WFS1: variants seen among roughly 807,000 people sequenced by gnomAD.
WFS1 encodes the protein wolframin.
WFS1 carries 90 observed loss-of-function variants against 68.5 expected under a neutral mutation model. That is an observed-to-expected ratio of 1.31 (90% CI 1.11 to 1.56). The LOEUF (loss-of-function observed/expected upper bound fraction) is 1.56. WFS1 is among the 40% of genes most tolerant of loss of function. The probability of loss-of-function intolerance (pLI) is 0.00; values close to 1 mark genes in which losing one functional copy is unlikely to be tolerated. For synonymous variants in WFS1, 860 were observed against 540.7 expected (o/e 1.59, Z -8.19); for missense variants, 1,767 against 1,232.6 (o/e 1.43, Z -6.49).
rs371412121 is a variant in WFS1, at chr4:6,299,976, T to G, written c.862-681T>G. 1.6e-3 allele frequency among the ~76,000 whole-genome samples: 239 copies of G among 150,178 alleles called. 9 individuals carry two copies. In the South Asian group the frequency reaches 0.047, roughly 29 times the overall value. On this transcript the variant is annotated intron_variant, in intron 7 of 7. Transcript: ENST00000226760. The stretch of plus-strand genomic sequence containing the variant: ...TGGGTTGCGTGTGTGTGTGTGCACG[T>G]GTGTGTACGGGCAGAAGGTGGCCTG...
At chr4:6,280,801 T>C (rs1730139664) in intron 2 of WFS1, among the ~76,000 whole-genome samples, 1 of 152,076 alleles carries the variant, frequency 6.6e-6, no homozygotes, top group Non-Finnish European at 1.5e-5. Context: ...TCCTGCTGTC[T>C]CTGTCATTCA....
intron 1 of WFS1, among the ~76,000 whole-genome samples, chr4:6,272,774 A>G (rs1729876078): frequency 6.6e-6 from 1 of 152,160 alleles, no homozygotes; most frequent in South Asian, 2.1e-4. Flanking sequence ...TGGCAGATAA[A>G]TTTTGTTTTC....
chr4:6,301,488 C>G lies in WFS1; in HGVS notation c.1693C>G (p.Leu565Val), dbSNP rs200058166. The G allele has an allele frequency of 4.6e-5, 75 of 1,613,128 alleles. No homozygotes were observed. In the Admixed American group the frequency reaches 1.0e-3, roughly 23 times the overall value. ...GLLRASIGYF[L>V]FLFALPILVA... Reference sequence around the variant, plus strand: ...GCTCCGCGCCTCCATCGGCTACTTCCTCTTCCTCTTTGCCCTCCCCATCCT... The same window carrying G: ...GCTCCGCGCCTCCATCGGCTACTTCGTCTTCCTCTTTGCCCTCCCCATCCT... Residue 565 changes from leucine (L) to valine (V), a missense_variant, in exon 8 of 8, where the codon CTC (leucine) becomes GTC (valine). Coordinates refer to ENST00000226760, the MANE Select transcript of WFS1 (RefSeq NM_006005.3).
intron 7 of WFS1, among the ~76,000 whole-genome samples, chr4:6,297,537 C>A (rs1730669112): frequency 6.6e-6 from 1 of 152,168 alleles, no homozygotes; most frequent in African/African-American, 2.4e-5. Flanking sequence ...ATTGGAAGAT[C>A]CGACACGGGA....
At chr4:6,296,817 A>C (rs1399145785) in intron 7 of WFS1, among the ~76,000 whole-genome samples, 1 of 152,216 alleles carries the variant, frequency 6.6e-6, no homozygotes, top group Non-Finnish European at 1.5e-5. Context: ...GTAGCATCTG[A>C]AAATCCTATT....
chr4:6,274,056 C>CT (rs1445718283), intron 1 of WFS1, among the ~76,000 whole-genome samples: 3 of 31,754 alleles, frequency 9.4e-5, no homozygotes, highest in African/African-American at 1.7e-4. Context: ...TTTCTTTTTT[C>CT]TTTTTTTTGA....
intron 7 of WFS1, among the ~76,000 whole-genome samples, chr4:6,299,513 G>A (rs1325652287): frequency 1.1e-4 from 16 of 146,544 alleles, no homozygotes; most frequent in African/African-American, 1.8e-4. Context: ...GGTGGGTTGC[G>A]TGTGTGTGAA....
chr4:6,302,505 C>T lies in WFS1; in HGVS notation c.*37C>T. 3 of 1,610,228 alleles carry T rather than the reference C, an allele frequency of 1.9e-6. No individual in the cohort carries two copies. Among genetic ancestry groups the T allele is most frequent in the South Asian group, 1.1e-5 (1 of 91,022 alleles). On this transcript the variant is annotated 3_prime_UTR_variant, in exon 8 of 8. Coordinates refer to ENST00000226760, the MANE Select transcript of WFS1 (RefSeq NM_006005.3). ...CACGAGGAGCTTCCAGTGCATGTTG[C>T]CATGAGGCCTTTCCCCAGTGTGGCC...
chr4:6,277,329 C>T, intron 1 of WFS1, 122 bp from the exon 2 acceptor site: 1 of 935,928 alleles, frequency 1.1e-6, no homozygotes, highest in South Asian at 1.5e-5. Flanking sequence ...TCAGCGAGAT[C>T]CTGTATGGAG....
rs954434481 is a variant in WFS1, at chr4:6,302,622, C to T, written c.*154C>T. 1 of 1,072,618 alleles carries T rather than the reference C, an allele frequency of 9.3e-7. No individual in the cohort carries two copies. 66.4% of individuals were successfully genotyped at this position (1,072,618 alleles called of 1,614,324 possible). ...TGCGACCATGTGTAGATTGCGTGGA[C>T]CCCGACAAAGGGAAGGCTGCTGTGT... On this transcript the variant is annotated 3_prime_UTR_variant, in exon 8 of 8. Transcript: ENST00000226760.
At position 6,301,689 on chromosome 4, in the gene WFS1, A is replaced by G. The variant is rs1450476108; in HGVS notation, c.1894A>G (p.Met632Val). 1.1e-5 allele frequency: 18 copies of G among 1,613,950 alleles called. No homozygotes were observed. The highest frequency in any genetic ancestry group is 1.5e-5 in the Non-Finnish European group (18 of 1,180,042). Reference sequence around the variant, plus strand: ...GGTGAAGTCCCTGACGCGGAGCTCCATGGTCAAGCTCATCCTGGTGTGGCT... The same window carrying G: ...GGTGAAGTCCCTGACGCGGAGCTCCGTGGTCAAGCTCATCCTGGTGTGGCT... ...GMVKSLTRSS[M>V]VKLILVWLTA... Residue 632 changes from methionine (M) to valine (V), a missense_variant, in exon 8 of 8, where the codon ATG becomes GTG. Met to Val is a conservative substitution (Grantham distance 21, BLOSUM62 1). Transcript: ENST00000226760.
chr4:6,300,615 G>A (rs1213466667), intron 7 of WFS1, 42 bp from the exon 8 acceptor site: 11 of 1,613,076 alleles, frequency 6.8e-6, no homozygotes, highest in Non-Finnish European at 8.5e-6. Context: ...AGCAGTGGGG[G>A]TCCTGTCCCA....
At chr4:6,284,036 A>T (rs1254653364) in intron 2 of WFS1, among the ~76,000 whole-genome samples, 1 of 152,118 alleles carries the variant, frequency 6.6e-6, no homozygotes. Flanking sequence ...CACCACTGCC[A>T]TATGGAAGCT....
chr4:6,276,506 A>G (rs1228599418), intron 1 of WFS1, among the ~76,000 whole-genome samples: 1 of 152,120 alleles, frequency 6.6e-6, no homozygotes, highest in African/African-American at 2.4e-5. Context: ...CTGGGGCATC[A>G]GTCCTCTGAC....
Position 6,301,665 on chromosome 4 carries a change from G to A in WFS1, c.1870G>A (p.Val624Met). ...GGCCAGCTTCTCTGTGGTGGGGATG[G>A]TGAAGTCCCTGACGCGGAGCTCCAT... ...TKASFSVVGM[V>M]KSLTRSSMVK... is the part of the protein sequence containing the mutation. Residue 624 changes from valine (V) to methionine (M), a missense_variant, in exon 8 of 8, where the codon GTG becomes ATG. Coordinates refer to ENST00000226760, the MANE Select transcript of WFS1 (RefSeq NM_006005.3). 1.2e-6 allele frequency: 2 copies of A among 1,614,126 alleles called. No individual in the cohort carries two copies. Among genetic ancestry groups the A allele is most frequent in the South Asian group, 1.1e-5 (1 of 91,088 alleles).
At chr4:6,293,444 C>T (rs1730525497) in intron 6 of WFS1, among the ~76,000 whole-genome samples, 1 of 152,216 alleles carries the variant, frequency 6.6e-6, no homozygotes, top group Non-Finnish European at 1.5e-5. Flanking sequence ...GGGCGTCTGT[C>T]ATCCCCTTCT....
intron 3 of WFS1, chr4:6,288,491 A>C (rs770896595): frequency 8.6e-6 from 2 of 233,240 alleles, no homozygotes; most frequent in Non-Finnish European, 1.7e-5. Context: ...GGAGCACGTA[A>C]AAGCAGCATG....
At chr4:6,295,314 C>A in intron 7 of WFS1, 125 bp downstream of exon 7, 1 of 1,167,512 alleles carries the variant, frequency 8.6e-7, no homozygotes, top group Non-Finnish European at 1.2e-6. Flanking sequence ...GTCTTACAGC[C>A]GTGCCGCTGG....
At chr4:6,280,273 C>G (rs1328440361) in intron 2 of WFS1, among the ~76,000 whole-genome samples, 1 of 152,176 alleles carries the variant, frequency 6.6e-6, no homozygotes, top group Non-Finnish European at 1.5e-5. Context: ...TGCCAGTGGG[C>G]CAGGGCCGGC....
Sources: gnomAD v4.1 joint callset for allele counts (sites outside exome capture counted in the v4.1 genomes callset) on GRCh38, gnomAD v4.1.1 for gene constraint, MANE v1.5 for transcripts, NCBI Gene and HGNC (gene_info 2026-07-23, HGNC 2026-07-21) for gene names.